The following GOPC variants were observed in gnomAD, a reference collection of about 807,000 sequenced individuals.
GOPC encodes the protein golgi associated PDZ and coiled-coil motif containing, also known as Golgi-associated PDZ and coiled-coil motif-containing protein.
A neutral mutation model predicts 51.2 loss-of-function variants in GOPC; 32 were observed. The observed-to-expected ratio is 0.63, with a 90% CI of 0.47 to 0.84. The LOEUF is 0.84. Among genes scored for constraint, GOPC ranks in the 40% least tolerant of loss-of-function variants. The pLI is 0.00. For synonymous variants in GOPC, 190 were observed against 205.1 expected, an observed-to-expected ratio of 0.93 and a Z score of 0.63; for missense variants, 441 against 555.5, an observed-to-expected ratio of 0.79 and a Z score of 2.07.
In GOPC at chr6:117,563,178, T is replaced by G; in HGVS notation, c.*76A>C. The G allele has an allele frequency of 1.4e-6, 2 of 1,391,186 alleles. No individual in the cohort carries two copies. The highest frequency in any genetic ancestry group is 2.0e-6 in the Non-Finnish European group (2 of 995,778). 86.2% of individuals were successfully genotyped at this position (1,391,186 alleles called of 1,614,324 possible). On this transcript the variant is annotated 3_prime_UTR_variant, in exon 9 of 9. Transcript: ENST00000368498. The stretch of plus-strand genomic sequence containing the variant: ...CAAACAGCCTCCCCTGATTTTGTAG[T>G]CTTTGTCACCATCTTCCCCAGTGCC...
chr6:117,563,734 T>TAA (rs754335178), intron 8 of GOPC, among the ~76,000 whole-genome samples: 3 of 131,204 alleles, frequency 2.3e-5, no homozygotes, highest in Admixed American at 7.5e-5. Flanking sequence ...TTAAAAAAAT[T>TAA]AAAAAAAAAA....
At chr6:117,599,560 C>T (rs1771956946) in intron 1 of GOPC, among the ~76,000 whole-genome samples, 1 of 152,170 alleles carries the variant, frequency 6.6e-6, no homozygotes, top group Non-Finnish European at 1.5e-5. Flanking sequence ...TTGACTGTAA[C>T]TGAAAAAACA....
chr6:117,598,196 T>TAAA lies in GOPC; in HGVS notation c.285+3805_285+3807dup, dbSNP rs532086597. On this transcript the variant is annotated intron_variant, in intron 1 of 8. Transcript: ENST00000368498. Reference sequence around the variant, plus strand: ...CAACATAGTAAAACCCCATCTCTACTAAAAAAAAAAAAAAATAAAATAGAA... The same window carrying TAAA: ...CAACATAGTAAAACCCCATCTCTACTAAAAAAAAAAAAAAAAAATAAAATAGAA... Among the ~76,000 whole-genome samples the TAAA allele has an allele frequency of 4.7e-4, 59 of 126,574 alleles. 1 individual carries two copies. Among genetic ancestry groups the TAAA allele is most frequent in the East Asian group, 2.1e-3 (9 of 4,262 alleles). The allele number at this position is 126,574 out of a possible 152,430, so 83.0% of individuals were successfully genotyped here.
chr6:117,586,797 C>T (rs777079345), intron 1 of GOPC, among the ~76,000 whole-genome samples: 5 of 152,158 alleles, frequency 3.3e-5, no homozygotes. Context: ...TGACAGACAA[C>T]AGAGGCAGAA....
intron 5 of GOPC, 49 bp from the exon 6 acceptor site, chr6:117,571,004 AC>A (rs898414238): frequency 1.9e-5 from 17 of 901,504 alleles, no homozygotes; most frequent in Non-Finnish European, 3.0e-5. Flanking sequence ...TAAATAGCAT[AC>A]CAAATAGAGT....
intron 1 of GOPC, among the ~76,000 whole-genome samples, chr6:117,600,016 T>C (rs988135398): frequency 2.0e-5 from 3 of 152,224 alleles, no homozygotes; most frequent in Non-Finnish European, 4.4e-5. Context: ...TCTCGTGTGA[T>C]GTTTTAGTCC....
rs191612251 is a variant in GOPC, at chr6:117,592,786, A to G, written c.285+9218T>C. On this transcript the variant is annotated intron_variant, in intron 1 of 8. Coordinates refer to ENST00000368498, the MANE Select transcript of GOPC (RefSeq NM_020399.4). ...GGAGGGATACGATTCAACCCACTAC[A>G]GATACTGATCAATCATTTCCCAAAC... Among the ~76,000 whole-genome samples the G allele has an allele frequency of 4.8e-3, 724 of 152,298 alleles. 6 individuals carry two copies. Among genetic ancestry groups the G allele is most frequent in the Admixed American group, 8.7e-3 (133 of 15,304 alleles).
rs778643657 is a variant in GOPC at position 117,561,584 on chromosome 6, TG to T, written c.*1669del. 57 of 209,852 alleles carry T rather than the reference TG, an allele frequency of 2.7e-4. No individual in the cohort carries two copies. Among genetic ancestry groups the T allele is most frequent in the Non-Finnish European group, 4.3e-4 (44 of 102,844 alleles). 13.0% of individuals were successfully genotyped at this position (209,852 alleles called of 1,614,324 possible). A position where few individuals can be genotyped will look rare whatever the true frequency, so the allele number is the denominator to read the frequency against. On this transcript the variant is annotated 3_prime_UTR_variant, in exon 9 of 9. Transcript: ENST00000368498. Reference sequence around the variant, plus strand: ...GGGGATTCATAAAGAAAAAACAAGTTGTTTTTTTTCTTTTAAGAGGCCTACC... The same window carrying T: ...GGGGATTCATAAAGAAAAAACAAGTTTTTTTTTTCTTTTAAGAGGCCTACC...
chr6:117,567,238 C>A (rs1205757683), intron 7 of GOPC, among the ~76,000 whole-genome samples: 1 of 152,134 alleles, frequency 6.6e-6, no homozygotes, highest in Non-Finnish European at 1.5e-5. Flanking sequence ...TCTACAGTTC[C>A]TTTAAACATT....
At chr6:117,596,296 T>TC (rs1378442377) in intron 1 of GOPC, among the ~76,000 whole-genome samples, 1 of 152,152 alleles carries the variant, frequency 6.6e-6, no homozygotes, top group Non-Finnish European at 1.5e-5. Context: ...TGGATATTAG[T>TC]CCTTTGTCGG....
At chr6:117,593,701 CAG>C (rs992127232) in intron 1 of GOPC, among the ~76,000 whole-genome samples, 6 of 152,142 alleles carry the variant, frequency 3.9e-5, no homozygotes, top group African/African-American at 1.4e-4. Flanking sequence ...GTAAAAGACT[CAG>C]AAGAGAGGTT....
intron 2 of GOPC, among the ~76,000 whole-genome samples, chr6:117,578,654 T>C (rs540360617): frequency 6.6e-6 from 1 of 152,202 alleles, no homozygotes; most frequent in East Asian, 1.9e-4. Flanking sequence ...CACAAATATC[T>C]TTTAAACATA....
rs546691684 is a variant in GOPC at position 117,576,346 on chromosome 6, G to A, written c.475-994C>T. Among the ~76,000 whole-genome samples, 10 of 151,998 alleles carry A rather than the reference G, an allele frequency of 6.6e-5. No individual in the cohort carries two copies. The South Asian group carries it at 1.2e-3, about 19-fold the overall frequency. On this transcript the variant is annotated intron_variant, in intron 3 of 8. Coordinates refer to ENST00000368498, the MANE Select transcript of GOPC (RefSeq NM_020399.4). Reference sequence around the variant, plus strand: ...TCTAGATACTGGTTTTAAAGGATTCGAAAAACTCAATCTAGAATCCTCCTT... The same window carrying A: ...TCTAGATACTGGTTTTAAAGGATTCAAAAAACTCAATCTAGAATCCTCCTT...
chr6:117,562,798 C>A lies in GOPC; in HGVS notation c.*456G>T, dbSNP rs1779613167. On this transcript the variant is annotated 3_prime_UTR_variant, in exon 9 of 9. Coordinates refer to ENST00000368498, the MANE Select transcript of GOPC (RefSeq NM_020399.4). The stretch of plus-strand genomic sequence containing the variant: ...AAATTAAGTCAAGCCTATATTTCTA[C>A]AATTCATTGAGTCAAGCTCTGTCTT... 1.9e-5 allele frequency: 4 copies of A among 209,924 alleles called. No individual in the cohort carries two copies. In the South Asian group the frequency reaches 5.6e-4, roughly 30 times the overall value. 13.0% of individuals were successfully genotyped at this position (209,924 alleles called of 1,614,324 possible).
Position 117,602,150 on chromosome 6 carries a change from C to T in GOPC, c.139G>A (p.Asp47Asn). The T allele has an allele frequency of 6.2e-7, 1 of 1,614,106 alleles. No individual in the cohort carries two copies. Among genetic ancestry groups the T allele is most frequent in the South Asian group, 1.1e-5 (1 of 91,084 alleles). The change falls in exon 1 of 9, where the codon GAT becomes AAT. Residue 47 changes from aspartate (D) to asparagine (N), a missense_variant. Around this residue, in one of 3 missense-constraint regions of GOPC, gnomAD observed 204 missense variants for 219.8 expected, o/e 0.93. Transcript: ENST00000368498. ...ATCTCTCCCAGGAGCAGATCCACATCCACAAAAGCTTTGTCGAACTCCTTC... is the reference window on the plus strand; with the variant it reads ...ATCTCTCCCAGGAGCAGATCCACATTCACAAAAGCTTTGTCGAACTCCTTC... ...LEKEFDKAFV[D>N]VDLLLGEIDP...
At chr6:117,573,414 A>G in intron 5 of GOPC, 53 bp downstream of exon 5, 1 of 1,566,384 alleles carries the variant, frequency 6.4e-7, no homozygotes, top group Non-Finnish European at 8.7e-7. Flanking sequence ...AGCAACTGTG[A>G]TTAAAGAAAG....
intron 1 of GOPC, among the ~76,000 whole-genome samples, chr6:117,589,349 C>G (rs1315585006): frequency 6.6e-6 from 1 of 152,206 alleles, no homozygotes; most frequent in East Asian, 1.9e-4. Context: ...GATGGAGTTT[C>G]ACTCTTGTTG....
At chr6:117,595,313 A>G (rs1347185251) in intron 1 of GOPC, among the ~76,000 whole-genome samples, 1 of 152,236 alleles carries the variant, frequency 6.6e-6, no homozygotes, top group Non-Finnish European at 1.5e-5. Flanking sequence ...AGGGAGTGCC[A>G]TAACTGCGGT....
chr6:117,567,189 T>G (rs1407242976), intron 7 of GOPC, among the ~76,000 whole-genome samples, 155 bp from the exon 8 acceptor site: 1 of 152,082 alleles, frequency 6.6e-6, no homozygotes, highest in Non-Finnish European at 1.5e-5. Flanking sequence ...TCTAAAGAGG[T>G]AGTGAGGCCA....
Sources: gnomAD v4.1 joint callset for allele counts (sites outside exome capture counted in the v4.1 genomes callset) on GRCh38, gnomAD v4.1.1 for gene constraint, gnomAD v4.1.1 regional missense constraint, MANE v1.5 for transcripts, NCBI Gene and HGNC (gene_info 2026-07-23, HGNC 2026-07-21) for gene names.